The following TRAF3IP1 variants were observed in gnomAD, a reference collection of about 807,000 sequenced individuals.
The protein encoded by TRAF3IP1 is intraflagellar transport 54.
TRAF3IP1 carries 53 observed loss-of-function variants against 89.9 expected under a neutral mutation model. The observed-to-expected ratio is 0.59, with a 90% CI of 0.47 to 0.74. The LOEUF (loss-of-function observed/expected upper bound fraction) is 0.74, where lower values mean the gene tolerates loss of function less well. Ranked by LOEUF, TRAF3IP1 falls within the 30% of genes least tolerant of loss-of-function variation. The pLI, the probability that TRAF3IP1 is intolerant of heterozygous loss-of-function variation, is 0.00. For synonymous variants in TRAF3IP1, 311 were observed against 322.1 expected, an observed-to-expected ratio of 0.97 and a Z score of 0.37; for missense variants, 806 against 866.1, an observed-to-expected ratio of 0.93 and a Z score of 0.87.
At chr2:238,393,697 T>G (rs1053337190) in intron 15 of TRAF3IP1, among the ~76,000 whole-genome samples, 12 of 152,236 alleles carry the variant, frequency 7.9e-5, no homozygotes, top group African/African-American at 2.9e-4. Context: ...GTCAACGTTT[T>G]GTTTGTTTTT....
Position 238,399,041 on chromosome 2 carries a change from C to A in TRAF3IP1, c.*122C>A. On this transcript the variant is annotated 3_prime_UTR_variant, in exon 17 of 17. Transcript: ENST00000373327. ...AATGAACAGTTTACAATGTTATTAT[C>A]CAGCTAATTTTCAGAGCTTTAAAAC... 1 of 889,078 alleles carries A rather than the reference C, an allele frequency of 1.1e-6. No individual in the cohort carries two copies. Among genetic ancestry groups the A allele is most frequent in the Non-Finnish European group, 1.6e-6 (1 of 609,504 alleles). 55.1% of individuals were successfully genotyped at this position (889,078 alleles called of 1,614,324 possible). A position where few individuals can be genotyped will look rare whatever the true frequency, so the allele number is the denominator to read the frequency against.
In TRAF3IP1 at chr2:238,332,915, T is replaced by C; in HGVS notation, c.987+20T>C. 2 of 1,561,790 alleles carry C rather than the reference T, an allele frequency of 1.3e-6. No individual in the cohort carries two copies. Among genetic ancestry groups the C allele is most frequent in the Non-Finnish European group, 1.8e-6 (2 of 1,135,380 alleles). ...ACAGAGGTAAACTTTAAAAAATAAC[T>C]TTTAAGAGATGTCAACTTGTAGCTG... is the stretch of plus-strand genomic sequence containing the variant. On this transcript the variant is annotated intron_variant, in intron 6 of 16. Transcript: ENST00000373327.
At chr2:238,343,478 C>A (rs1698751223) in intron 8 of TRAF3IP1, among the ~76,000 whole-genome samples, 1 of 151,742 alleles carries the variant, frequency 6.6e-6, no homozygotes, top group African/African-American at 2.4e-5. Flanking sequence ...ACCTCCTGGG[C>A]TCACGTGATT....
intron 15 of TRAF3IP1, among the ~76,000 whole-genome samples, chr2:238,371,575 C>T (rs1043467606): frequency 1.3e-5 from 2 of 152,186 alleles, no homozygotes; most frequent in Non-Finnish European, 2.9e-5. Context: ...TTCTTCCAAA[C>T]CTAAGCCTAA....
intron 15 of TRAF3IP1, among the ~76,000 whole-genome samples, chr2:238,395,738 C>T (rs1473397680): frequency 2.0e-5 from 3 of 152,100 alleles, no homozygotes; most frequent in Non-Finnish European, 4.4e-5. Context: ...ACACACTTCT[C>T]AAAAGAAGAC....
Position 238,345,708 on chromosome 2 carries a change from T to TG in TRAF3IP1, c.1261+1115dup, listed in dbSNP as rs1477063443. On this transcript the variant is annotated intron_variant, in intron 9 of 16. Transcript: ENST00000373327. The surrounding 1 kb of genome is among the most constrained non-coding windows in gnomAD (Gnocchi z 4.7). ...GGATTCCAGGGCTGCTGGCACGTGC[T>TG]GGGGGAGCTGGCCTGGAGCGTAGAG... Among the ~76,000 whole-genome samples the TG allele has an allele frequency of 2.6e-5, 4 of 151,946 alleles. No individual in the cohort carries two copies. Among genetic ancestry groups the TG allele is most frequent in the African/African-American group, 7.3e-5 (3 of 41,376 alleles).
At position 238,385,116 on chromosome 2, in the gene TRAF3IP1, T is replaced by C. The variant is rs552963815; in HGVS notation, c.1690-12343T>C. 4.4e-3 allele frequency among the ~76,000 whole-genome samples: 673 copies of C among 152,014 alleles called. 7 individuals are homozygous for C. Among genetic ancestry groups the C allele is most frequent in the African/African-American group, 0.016 (645 of 41,470 alleles). ...CTGCAATCTCCGCCTCCCGGGTTCA[T>C]GCCATTCTCCTGCCTCAGCCTCCCG... On this transcript the variant is annotated intron_variant, in intron 15 of 16. Coordinates refer to ENST00000373327, the MANE Select transcript of TRAF3IP1 (RefSeq NM_015650.4).
At chr2:238,335,372 T>C (rs566618196) in intron 7 of TRAF3IP1, among the ~76,000 whole-genome samples, 1 of 152,342 alleles carries the variant, frequency 6.6e-6, no homozygotes, top group Non-Finnish European at 1.5e-5. Context: ...GGATCACTTA[T>C]TCATTGAATG....
At chr2:238,361,483 C>T (rs72980201) in intron 15 of TRAF3IP1, among the ~76,000 whole-genome samples, 464 of 151,976 alleles carry the variant, frequency 3.1e-3, no homozygotes, top group Non-Finnish European at 4.4e-3. Flanking sequence ...TAAAGGTAGT[C>T]TCTAGTTTAG....
At chr2:238,359,157 G>A (rs982872003) in intron 15 of TRAF3IP1, among the ~76,000 whole-genome samples, 1 of 151,680 alleles carries the variant, frequency 6.6e-6, no homozygotes, top group Non-Finnish European at 1.5e-5. Flanking sequence ...GAAGTGCTGT[G>A]CCAGGAAGTA....
In TRAF3IP1 at chr2:238,363,758, A is replaced by C. The variant is rs560249526; in HGVS notation, c.1689+7678A>C. 5.9e-5 allele frequency among the ~76,000 whole-genome samples: 9 copies of C among 152,262 alleles called. No homozygotes were observed. In the South Asian group the frequency reaches 1.9e-3, roughly 32 times the overall value. On this transcript the variant is annotated intron_variant, in intron 15 of 16. Coordinates refer to ENST00000373327, the MANE Select transcript of TRAF3IP1 (RefSeq NM_015650.4). ...GGGCGGATCACGAGGTCAGGAGTTC[A>C]AGACTAGCCTGGCCAACACAGTAAA...
At chr2:238,341,605 G>T (rs1349067083) in intron 8 of TRAF3IP1, among the ~76,000 whole-genome samples, 1 of 150,074 alleles carries the variant, frequency 6.7e-6, no homozygotes, top group Non-Finnish European at 1.5e-5. Context: ...AATTTGCGCA[G>T]AACACTGGCC....
intron 15 of TRAF3IP1, among the ~76,000 whole-genome samples, chr2:238,369,911 G>A (rs865955650): frequency 7.9e-4 from 120 of 152,270 alleles, no homozygotes; most frequent in African/African-American, 2.7e-3. Flanking sequence ...TGCGCAGATG[G>A]CCTCAGATTT....
chr2:238,369,794 G>A (rs1165016742), intron 15 of TRAF3IP1, among the ~76,000 whole-genome samples: 1 of 152,086 alleles, frequency 6.6e-6, no homozygotes, highest in South Asian at 2.1e-4. Flanking sequence ...TTGTACAATC[G>A]AAGTACCCTG....
chr2:238,320,668 C>G lies in TRAF3IP1; in HGVS notation c.6C>G (p.Asn2Lys). The G allele has an allele frequency of 7.3e-7, 1 of 1,378,428 alleles. No individual in the cohort carries two copies. The allele number at this position is 1,378,428 out of a possible 1,614,324, so 85.4% of individuals were successfully genotyped here. A position where few individuals can be genotyped will look rare whatever the true frequency, so the allele number is the denominator to read the frequency against. ...AGCGGGCGGCGGACGCCGTCATGAA[C>G]GCGGCGGTGGTGAGGCGGACGCAGG... The part of the protein sequence containing the change: M[N>K]AAVVRRTQEA... Residue 2 changes from asparagine to lysine, a missense_variant, in exon 1 of 17, where the codon AAC (asparagine) becomes AAG (lysine). By Grantham distance (94) the Asn-to-Lys change is moderately conservative. Coordinates refer to ENST00000373327, the MANE Select transcript of TRAF3IP1 (RefSeq NM_015650.4).
chr2:238,344,456 T>C (rs1698798195), intron 8 of TRAF3IP1, 41 bp from the exon 9 acceptor site: 8 of 1,506,076 alleles, frequency 5.3e-6, no homozygotes, highest in Non-Finnish European at 7.4e-6. Flanking sequence ...GGCCCTTTGG[T>C]GTACAGTCTT....
intron 11 of TRAF3IP1, 132 bp from the exon 12 acceptor site, chr2:238,349,193 G>C: frequency 1.2e-6 from 1 of 803,852 alleles, no homozygotes; most frequent in Non-Finnish European, 2.0e-6. Flanking sequence ...CTTCTGCAGA[G>C]TAGCGTGTCC....
At position 238,331,565 on chromosome 2, in the gene TRAF3IP1, C is replaced by T. The variant is rs1308751013; in HGVS notation, c.916-1259C>T. The stretch of plus-strand genomic sequence containing the variant: ...GTATAATGGTGGTTTTGTTTAAAAG[C>T]GTCTGAGACCATGGCGAAGTGATTT... On this transcript the variant is annotated intron_variant, in intron 5 of 16. Transcript: ENST00000373327. Among the ~76,000 whole-genome samples, 5 of 152,258 alleles carry T rather than the reference C, an allele frequency of 3.3e-5. No individual in the cohort carries two copies. In the East Asian group the frequency reaches 9.7e-4, roughly 29 times the overall value.
intron 15 of TRAF3IP1, among the ~76,000 whole-genome samples, chr2:238,387,221 A>G (rs1700809636): frequency 6.6e-6 from 1 of 152,208 alleles, no homozygotes; most frequent in African/African-American, 2.4e-5. Context: ...CATCCTGTCC[A>G]GCTTCTCATA....
Sources: allele counts gnomAD v4.1 joint callset (sites outside exome capture counted in the v4.1 genomes callset), GRCh38; gene constraint gnomAD v4.1.1; non-coding constraint Gnocchi (gnomAD v3.1); transcripts MANE v1.5; gene names NCBI Gene and HGNC (gene_info 2026-07-23, HGNC 2026-07-21).